The following MARCHF1 variants were observed in gnomAD, a reference collection of about 807,000 sequenced individuals.
MARCHF1 encodes E3 ubiquitin-protein ligase MARCHF1.
A neutral mutation model predicts 54.2 loss-of-function variants in MARCHF1; 40 were observed. That is an observed-to-expected ratio of 0.74 (90% CI 0.57 to 0.96). The LOEUF is 0.96. MARCHF1 is among the 40% of genes least tolerant of loss of function. The pLI, the probability that MARCHF1 is intolerant of heterozygous loss-of-function variation, is 0.00. For missense variants in MARCHF1, 586 were observed against 656.5 expected (o/e 0.89, Z 1.17); for synonymous variants, 236 against 236.3 (o/e 1.00, Z 0.01).
At chr4:163,984,445 T>C (rs1752822397) in intron 3 of MARCHF1, among the ~76,000 whole-genome samples, 1 of 152,156 alleles carries the variant, frequency 6.6e-6, no homozygotes, top group Non-Finnish European at 1.5e-5. Context: ...CCTCCCATCA[T>C]CTAAGGTATA....
At chr4:163,985,509 A>C (rs1437428372) in intron 3 of MARCHF1, among the ~76,000 whole-genome samples, 4 of 152,218 alleles carry the variant, frequency 2.6e-5, no homozygotes, top group African/African-American at 9.6e-5. Context: ...AAAATATAAA[A>C]GATCTATGCT....
At chr4:163,825,797 C>T (rs1748833957) in intron 4 of MARCHF1, among the ~76,000 whole-genome samples, 1 of 151,336 alleles carries the variant, frequency 6.6e-6, no homozygotes, top group Non-Finnish European at 1.5e-5. Flanking sequence ...AATGTTTACT[C>T]ATTTTGGAAT....
At chr4:163,748,665 A>G (rs1414158570) in intron 4 of MARCHF1, among the ~76,000 whole-genome samples, 1 of 152,188 alleles carries the variant, frequency 6.6e-6, no homozygotes, top group Non-Finnish European at 1.5e-5. Context: ...TTGCCAGGTG[A>G]TCCATCCCTC....
intron 3 of MARCHF1, among the ~76,000 whole-genome samples, chr4:163,984,997 T>C (rs1272062680): frequency 6.6e-6 from 1 of 152,188 alleles, no homozygotes; most frequent in Non-Finnish European, 1.5e-5. Flanking sequence ...CTAAACCATT[T>C]TATTTCCTTT....
At chr4:164,031,164 T>A (rs570444031) in intron 2 of MARCHF1, among the ~76,000 whole-genome samples, 43 of 152,306 alleles carry the variant, frequency 2.8e-4, no homozygotes, top group African/African-American at 9.9e-4. Context: ...TCAAAGGGAA[T>A]GCTTCAAGCT....
In MARCHF1 at chr4:164,052,135, GT is replaced by G. The variant is rs5863653; in HGVS notation, c.-248+59452del. On this transcript the variant is annotated intron_variant, in intron 2 of 9. Transcript: ENST00000514618. ...AGGCATTTCTACACATCTTTTGGAA[GT>G]TTTTTTTTTTGTTTTTTTTGTATTT... 4.4e-3 allele frequency among the ~76,000 whole-genome samples: 549 copies of G among 123,796 alleles called. 1 individual carries two copies. The highest frequency in any genetic ancestry group is 7.2e-3 in the Admixed American group (86 of 11,902). The allele number at this position is 123,796 out of a possible 152,430, so 81.2% of individuals were successfully genotyped here. A position where few individuals can be genotyped will look rare whatever the true frequency, so the allele number is the denominator to read the frequency against.
chr4:163,782,280 T>G (rs1452721205), intron 4 of MARCHF1, among the ~76,000 whole-genome samples: 1 of 152,158 alleles, frequency 6.6e-6, no homozygotes, highest in Non-Finnish European at 1.5e-5. Flanking sequence ...TCAGGGTGTA[T>G]CTACCTCTAA....
rs1389927026 is a variant in MARCHF1 at position 163,613,032 on chromosome 4, G to A, written c.249C>T (p.Ala83=). 2 of 1,499,828 alleles carry A rather than the reference G, an allele frequency of 1.3e-6. No homozygotes were observed. The highest frequency in any genetic ancestry group is 2.5e-5 in the East Asian group (1 of 40,762). The allele number at this position is 1,499,828 out of a possible 1,614,324, so 92.9% of individuals were successfully genotyped here. A position where few individuals can be genotyped will look rare whatever the true frequency, so the allele number is the denominator to read the frequency against. ...ACTCTTCTGACATGTCATGCAAGAT[G>A]GCAGATCTAGACAGAGCAGCAGGCA... ...CPSTQDICRS[A]ILHDMSEESF... is the part of the protein sequence containing the mutation. The change falls in exon 7 of 10, where the codon GCC becomes GCT. Residue 83 remains alanine (A), a synonymous_variant. Transcript: ENST00000514618.
At chr4:163,694,600 T>C (rs116537995) in intron 5 of MARCHF1, among the ~76,000 whole-genome samples, 1,730 of 152,204 alleles carry the variant, frequency 0.011, 28 homozygotes, top group African/African-American at 0.04. Context: ...CTAGGAATAT[T>C]CTCATAGTGA....
chr4:164,233,031 G>A (rs2111184887), intron 1 of MARCHF1, among the ~76,000 whole-genome samples: 1 of 152,090 alleles, frequency 6.6e-6, no homozygotes, highest in East Asian at 1.9e-4. Flanking sequence ...TGCAGGCTCA[G>A]CTCTGTTTTA....
chr4:164,002,700 A>T (rs1362186869), intron 2 of MARCHF1, among the ~76,000 whole-genome samples: 1 of 151,852 alleles, frequency 6.6e-6, no homozygotes, highest in Non-Finnish European at 1.5e-5. Flanking sequence ...AAATCCACTG[A>T]TCCAAGAAGC....
At chr4:164,372,162 G>A (rs969866414) in intron 1 of MARCHF1, among the ~76,000 whole-genome samples, 1 of 152,168 alleles carries the variant, frequency 6.6e-6, no homozygotes. Flanking sequence ...TTTAATTTCT[G>A]TATAGTATTC....
At chr4:164,099,842 T>C (rs563643826) in intron 2 of MARCHF1, among the ~76,000 whole-genome samples, 1 of 152,310 alleles carries the variant, frequency 6.6e-6, no homozygotes, top group East Asian at 1.9e-4. Flanking sequence ...CTAATACTTT[T>C]TAATTTTGTT....
intron 2 of MARCHF1, among the ~76,000 whole-genome samples, chr4:164,019,350 T>C (rs537794019): frequency 6.6e-6 from 1 of 152,306 alleles, no homozygotes; most frequent in South Asian, 2.1e-4. Flanking sequence ...CACTTAATTC[T>C]TCCTTCTTTG....
chr4:164,154,282 C>T lies in MARCHF1; in HGVS notation c.-322-42620G>A, dbSNP rs191037927. ...ATTTGGGATGGATGCCTTGAAAATA[C>T]CTAAGGTAGAATTAGATCTTTTAGA... is the stretch of plus-strand genomic sequence containing the variant. On this transcript the variant is annotated intron_variant, in intron 1 of 9. Transcript: ENST00000514618. Among the ~76,000 whole-genome samples the T allele has an allele frequency of 3.3e-5, 5 of 152,188 alleles. No homozygotes were observed. The East Asian group carries it at 7.7e-4, about 23-fold the overall frequency.
chr4:164,110,246 T>C (rs959332433), intron 2 of MARCHF1, among the ~76,000 whole-genome samples: 3 of 151,720 alleles, frequency 2.0e-5, no homozygotes, highest in African/African-American at 7.2e-5. Flanking sequence ...ATTATTTCCT[T>C]GGGGAAAAAT....
chr4:163,602,388 A>G (rs148439756), intron 7 of MARCHF1, among the ~76,000 whole-genome samples: 1 of 152,110 alleles, frequency 6.6e-6, no homozygotes, highest in Non-Finnish European at 1.5e-5. Flanking sequence ...TGCAAAGCAC[A>G]TATCATTTTT....
chr4:164,050,624 T>C (rs1177389682), intron 2 of MARCHF1, among the ~76,000 whole-genome samples: 1 of 152,190 alleles, frequency 6.6e-6, no homozygotes, highest in Non-Finnish European at 1.5e-5. Flanking sequence ...TTGCTGGACA[T>C]GTGGCATGTC....
intron 3 of MARCHF1, among the ~76,000 whole-genome samples, chr4:163,986,551 C>T (rs995816665): frequency 1.5e-4 from 23 of 152,032 alleles, no homozygotes; most frequent in African/African-American, 4.6e-4. Flanking sequence ...AGGCGTGAGC[C>T]ACGGCACCCG....
Sources: allele counts gnomAD v4.1 joint callset (sites outside exome capture counted in the v4.1 genomes callset), GRCh38; gene constraint gnomAD v4.1.1; transcripts MANE v1.5; gene names NCBI Gene and HGNC (gene_info 2026-07-23, HGNC 2026-07-21).